Variants in CNTNAP5 observed in about 807,000 individuals in gnomAD.
The protein encoded by CNTNAP5 is contactin-associated protein-like 5.
CNTNAP5 carries 72 observed loss-of-function variants against 150.2 expected under a neutral mutation model. That is an observed-to-expected ratio of 0.48 (90% CI 0.40 to 0.58). The LOEUF (loss-of-function observed/expected upper bound fraction) is 0.58, where lower values mean the gene tolerates loss of function less well. Among genes scored for constraint, CNTNAP5 ranks in the 20% least tolerant of loss-of-function variants. The pLI is 0.00. For synonymous variants in CNTNAP5, 672 were observed against 619.8 expected (o/e 1.08, Z -1.25); for missense variants, 1,636 against 1,626.2 (o/e 1.01, Z -0.10).
chr2:124,672,300 C>T (rs1678841350), intron 13 of CNTNAP5, among the ~76,000 whole-genome samples: 1 of 152,088 alleles, frequency 6.6e-6, no homozygotes, highest in African/African-American at 2.4e-5. Flanking sequence ...GCTCTTTCTC[C>T]AAAGACAGTT....
In CNTNAP5 at chr2:124,434,815, G is replaced by T. The variant is rs1327965163; in HGVS notation, c.733+128G>T. The T allele has an allele frequency of 1.0e-5, 8 of 764,720 alleles. No homozygotes were observed. The East Asian group carries it at 2.2e-4, about 21-fold the overall frequency. 47.4% of individuals were successfully genotyped at this position (764,720 alleles called of 1,614,324 possible). On this transcript the variant is annotated intron_variant, in intron 5 of 23. Coordinates refer to ENST00000682447, the MANE Select transcript of CNTNAP5 (RefSeq NM_001367498.1). ...AGCACAATATAAGTGATATTGGTGG[G>T]GATAGAAATGTTTAAGGCATGTATA...
intron 13 of CNTNAP5, among the ~76,000 whole-genome samples, chr2:124,685,011 T>C (rs1484899195): frequency 2.6e-5 from 4 of 152,254 alleles, no homozygotes; most frequent in Admixed American, 2.0e-4. Flanking sequence ...TCCTTCTTTG[T>C]CCTTATTACC....
intron 21 of CNTNAP5, among the ~76,000 whole-genome samples, chr2:124,870,319 A>C (rs1677718653): frequency 6.6e-6 from 1 of 151,752 alleles, no homozygotes; most frequent in Non-Finnish European, 1.5e-5. Context: ...TTTATGCTTA[A>C]ATTTATTTTG....
intron 21 of CNTNAP5, among the ~76,000 whole-genome samples, chr2:124,874,457 C>T (rs1217694530): frequency 2.0e-5 from 3 of 152,036 alleles, no homozygotes; most frequent in African/African-American, 7.2e-5. Context: ...CGTAGACAGC[C>T]AGGCAGACAT....
rs375146656 is a variant in CNTNAP5 at position 124,559,155 on chromosome 2, C to T, written c.1650-4062C>T. 4.0e-4 allele frequency among the ~76,000 whole-genome samples: 61 copies of T among 152,304 alleles called. 1 individual carries two copies. In the South Asian group the frequency reaches 7.3e-3, roughly 18 times the overall value. ...ATGGACCACTCTAGATAAACCTTTT[C>T]ACTTTATCTATTACCTGGATTGTCA... On this transcript the variant is annotated intron_variant, in intron 10 of 23. Transcript: ENST00000682447.
intron 10 of CNTNAP5, among the ~76,000 whole-genome samples, chr2:124,543,416 T>A (rs1339510746): frequency 6.6e-6 from 1 of 152,150 alleles, no homozygotes; most frequent in Non-Finnish European, 1.5e-5. Flanking sequence ...GGTAATAAGA[T>A]CTGCTGAGTG....
intron 11 of CNTNAP5, among the ~76,000 whole-genome samples, chr2:124,578,127 T>G (rs1354033366): frequency 8.1e-6 from 1 of 123,094 alleles, no homozygotes; most frequent in African/African-American, 3.3e-5. Context: ...CTGGCCAACA[T>G]GGTGAAACCT....
chr2:124,570,792 C>T (rs1030115231), intron 11 of CNTNAP5, among the ~76,000 whole-genome samples: 2 of 152,084 alleles, frequency 1.3e-5, no homozygotes. Context: ...ATCAAGTATA[C>T]TTAAAGAAAA....
At chr2:124,095,297 G>C (rs1044904293) in intron 1 of CNTNAP5, among the ~76,000 whole-genome samples, 1 of 152,148 alleles carries the variant, frequency 6.6e-6, no homozygotes, top group African/African-American at 2.4e-5. Flanking sequence ...TGAACAACGA[G>C]AACACATGGA....
chr2:124,318,013 A>G (rs1297952986), intron 3 of CNTNAP5, among the ~76,000 whole-genome samples: 1 of 152,190 alleles, frequency 6.6e-6, no homozygotes, highest in Admixed American at 6.5e-5. Flanking sequence ...TCATAGGGGA[A>G]ATGTAAAGGA....
At chr2:124,477,483 A>G (rs1050008751) in intron 7 of CNTNAP5, among the ~76,000 whole-genome samples, 3 of 152,052 alleles carry the variant, frequency 2.0e-5, no homozygotes, top group African/African-American at 7.2e-5. Context: ...TCGGTTTGGA[A>G]AAGTTAGGAT....
At chr2:124,674,503 T>TTC (rs1240748086) in intron 13 of CNTNAP5, among the ~76,000 whole-genome samples, 6 of 91,036 alleles carry the variant, frequency 6.6e-5, no homozygotes, top group South Asian at 7.4e-4. Flanking sequence ...CTTCCTTTCT[T>TTC]TCTTTCTCTT....
chr2:124,223,015 C>T (rs1686364531), intron 2 of CNTNAP5, among the ~76,000 whole-genome samples: 1 of 152,032 alleles, frequency 6.6e-6, no homozygotes. Context: ...TACTAATGTC[C>T]TTTGCTGAAT....
At chr2:124,847,706 G>A (rs1683078273) in intron 19 of CNTNAP5, among the ~76,000 whole-genome samples, 2 of 152,136 alleles carry the variant, frequency 1.3e-5, no homozygotes, top group African/African-American at 4.8e-5. Flanking sequence ...TCCACACACT[G>A]CTCTGTCCAT....
intron 3 of CNTNAP5, among the ~76,000 whole-genome samples, chr2:124,324,806 G>A (rs887762865): frequency 2.0e-4 from 30 of 152,142 alleles, no homozygotes; most frequent in Admixed American, 1.8e-3. Context: ...TTAGCTTTTC[G>A]ACAATGGAAA....
At chr2:124,556,741 G>A (rs890030648) in intron 10 of CNTNAP5, among the ~76,000 whole-genome samples, 1 of 152,114 alleles carries the variant, frequency 6.6e-6, no homozygotes, top group African/African-American at 2.4e-5. Flanking sequence ...GGCTATGAGA[G>A]AAGGAGAGCA....
chr2:124,415,669 A>G (rs1573979767), intron 3 of CNTNAP5, among the ~76,000 whole-genome samples: 1 of 152,194 alleles, frequency 6.6e-6, no homozygotes, highest in African/African-American at 2.4e-5. Context: ...TTGATGATTC[A>G]TAATGAAGCA....
intron 12 of CNTNAP5, among the ~76,000 whole-genome samples, chr2:124,646,112 C>A (rs1288453334): frequency 6.6e-6 from 1 of 152,144 alleles, no homozygotes; most frequent in African/African-American, 2.4e-5. Context: ...GAAGTATTTT[C>A]TTTTATAGAA....
rs577427792 is a variant in CNTNAP5, at chr2:124,794,210, G to A, written c.2993-3886G>A. Among the ~76,000 whole-genome samples the A allele has an allele frequency of 1.6e-3, 238 of 152,152 alleles. 2 individuals are homozygous for A. The highest frequency in any genetic ancestry group is 5.1e-3 in the African/African-American group (212 of 41,490). ...GAGCATTACTGCTCACAGATAAATCGTGGAGCTCTGGCACCACCCCTGCTC... is the reference window on the plus strand; with the variant it reads ...GAGCATTACTGCTCACAGATAAATCATGGAGCTCTGGCACCACCCCTGCTC... On this transcript the variant is annotated intron_variant, in intron 18 of 23. Transcript: ENST00000682447.
Sources: allele counts gnomAD v4.1 joint callset (sites outside exome capture counted in the v4.1 genomes callset), GRCh38; gene constraint gnomAD v4.1.1; transcripts MANE v1.5; gene names NCBI Gene and HGNC (gene_info 2026-07-23, HGNC 2026-07-21).